Variants in SLC20A2 observed in about 807,000 individuals in gnomAD.
SLC20A2 encodes sodium-dependent phosphate transporter 2.
A neutral mutation model predicts 61.0 loss-of-function variants in SLC20A2; 30 were observed. The observed-to-expected ratio is 0.49, with a 90% CI of 0.37 to 0.67. The LOEUF is 0.67. Ranked by LOEUF, SLC20A2 falls within the 30% of genes least tolerant of loss-of-function variation. The pLI, the probability that SLC20A2 is intolerant of heterozygous loss-of-function variation, is 0.00. For missense variants in SLC20A2, 626 were observed against 866.4 expected, an observed-to-expected ratio of 0.72 and a Z score of 3.48; for synonymous variants, 351 against 353.3, an observed-to-expected ratio of 0.99 and a Z score of 0.07.
intron 2 of SLC20A2, chr8:42,471,169 T>C (rs1414840048): frequency 4.4e-6 from 2 of 456,094 alleles, no homozygotes; most frequent in East Asian, 6.9e-5. Flanking sequence ...ATTACCCGTA[T>C]ACATCAGCTG....
rs972406149 is a variant in SLC20A2, at chr8:42,522,800, G to T, written c.-265+19021C>A. 3.3e-4 allele frequency among the ~76,000 whole-genome samples: 49 copies of T among 150,494 alleles called. 11 individuals are homozygous for T. The highest frequency in any genetic ancestry group is 3.4e-3 in the Middle Eastern group (1 of 294). On this transcript the variant is annotated intron_variant, in intron 1 of 10. Coordinates refer to the SLC20A2 transcript ENST00000342228. ...GCTCACTACACCCTTGAATTCCTGG[G>T]CCCAGGCGAGCCTCCTGCCTCAACC...
intron 8 of SLC20A2, among the ~76,000 whole-genome samples, chr8:42,435,459 G>A (rs1804176827): frequency 6.6e-6 from 1 of 152,174 alleles, no homozygotes; most frequent in Non-Finnish European, 1.5e-5. Flanking sequence ...TGGGAGGTTA[G>A]GACTCGTTTT....
chr8:42,432,980 C>T (rs1273494538), intron 8 of SLC20A2, among the ~76,000 whole-genome samples: 1 of 152,172 alleles, frequency 6.6e-6, no homozygotes, highest in East Asian at 1.9e-4. Flanking sequence ...CCCAGGTGTT[C>T]CTGTACATGG....
At chr8:42,465,358 A>G (rs1807069717) in intron 3 of SLC20A2, among the ~76,000 whole-genome samples, 1 of 151,652 alleles carries the variant, frequency 6.6e-6, no homozygotes, top group Non-Finnish European at 1.5e-5. Context: ...TGTCTGGCCC[A>G]TCTAGGTCTT....
intron 6 of SLC20A2, among the ~76,000 whole-genome samples, chr8:42,439,968 C>T (rs562297016): frequency 2.6e-5 from 4 of 151,538 alleles, no homozygotes; most frequent in South Asian, 4.2e-4. Flanking sequence ...GCCTGTAATT[C>T]CAACTACTTG....
chr8:42,448,827 T>C lies in SLC20A2; in HGVS notation c.614-4065A>G, dbSNP rs548418300. Among the ~76,000 whole-genome samples the C allele has an allele frequency of 5.0e-4, 76 of 152,268 alleles. No homozygotes were observed. The South Asian group carries it at 0.016, about 32-fold the overall frequency. On this transcript the variant is annotated intron_variant, in intron 5 of 10. Coordinates refer to ENST00000520262, the MANE Select transcript of SLC20A2 (RefSeq NM_001257180.2). ...TGGGGACAGGATCTTACTGAAGTAT[T>C]CCAGCAGTTTGGTGATTTAGCAGAG...
intron 7 of SLC20A2, among the ~76,000 whole-genome samples, chr8:42,438,378 A>G (rs1328180133): frequency 2.0e-5 from 3 of 152,092 alleles, no homozygotes; most frequent in Non-Finnish European, 4.4e-5. Flanking sequence ...CAGTGGTGCA[A>G]TCATAGCTCA....
chr8:42,507,261 C>T (rs537300944), intron 1 of SLC20A2, among the ~76,000 whole-genome samples: 5 of 152,228 alleles, frequency 3.3e-5, no homozygotes, highest in African/African-American at 1.2e-4. Context: ...CTCAGGAGGG[C>T]TACACCAGTG....
intron 9 of SLC20A2, among the ~76,000 whole-genome samples, chr8:42,429,232 C>T (rs184872068): frequency 9.8e-5 from 15 of 152,330 alleles, no homozygotes; most frequent in Non-Finnish European, 1.9e-4. Flanking sequence ...AATTTTTCTT[C>T]AAATCAATCT....
At chr8:42,471,577 A>G (rs1807642355) in intron 2 of SLC20A2, among the ~76,000 whole-genome samples, 1 of 152,242 alleles carries the variant, frequency 6.6e-6, no homozygotes, top group African/African-American at 2.4e-5. Context: ...AATTTCTTGA[A>G]ACACACGCAC....
intron 1 of SLC20A2, among the ~76,000 whole-genome samples, chr8:42,499,123 C>CG (rs1563527137): frequency 6.6e-6 from 1 of 152,114 alleles, no homozygotes; most frequent in African/African-American, 2.4e-5. Context: ...GGGAGACGTG[C>CG]GGTCACCTGC....
upstream of SLC20A2, chr8:42,502,380 C>T (rs1465233445): frequency 2.0e-5 from 3 of 152,218 alleles, no homozygotes; most frequent in Admixed American, 6.5e-5. Context: ...TACTTAACAC[C>T]CAGATGCCAG....
chr8:42,513,358 G>A (rs1354331769), intron 1 of SLC20A2, among the ~76,000 whole-genome samples: 4 of 152,108 alleles, frequency 2.6e-5, no homozygotes, highest in African/African-American at 4.8e-5. Flanking sequence ...TTCAGAAACC[G>A]CTGGAGTCTT....
At chr8:42,529,274 C>T (rs1029459510) in intron 1 of SLC20A2, among the ~76,000 whole-genome samples, 11 of 151,840 alleles carry the variant, frequency 7.2e-5, no homozygotes, top group African/African-American at 2.7e-4. Context: ...TGGCCCATTT[C>T]CTCATTTTTT....
At chr8:42,425,524 C>T (rs1803341981) in intron 10 of SLC20A2, among the ~76,000 whole-genome samples, 1 of 152,354 alleles carries the variant, frequency 6.6e-6, no homozygotes, top group East Asian at 1.9e-4. Context: ...TCTCCAACTA[C>T]ACGGCAAGTT....
chr8:42,488,356 T>G (rs1809215428), intron 1 of SLC20A2, among the ~76,000 whole-genome samples: 1 of 151,768 alleles, frequency 6.6e-6, no homozygotes, highest in Non-Finnish European at 1.5e-5. Context: ...TGGCTAATTT[T>G]TTTTTGTATT....
At chr8:42,491,276 A>G (rs904628437) in intron 1 of SLC20A2, among the ~76,000 whole-genome samples, 2 of 152,134 alleles carry the variant, frequency 1.3e-5, no homozygotes, top group African/African-American at 2.4e-5. Flanking sequence ...GAAATTTGGG[A>G]GGCTGAGGCG....
In SLC20A2 at chr8:42,472,079, G is replaced by A. The variant is rs534908792; in HGVS notation, c.289+23C>T. ...CGGGTCAGTGGGCGGATGTCCCATCGGTATAGAGAAGAGGCTACTCACCAA... is the reference window on the plus strand; with the variant it reads ...CGGGTCAGTGGGCGGATGTCCCATCAGTATAGAGAAGAGGCTACTCACCAA... On this transcript the variant is annotated intron_variant, in intron 2 of 10. Coordinates refer to ENST00000520262, the MANE Select transcript of SLC20A2 (RefSeq NM_001257180.2). This position sits in a 1 kb window ranked among gnomAD's most constrained non-coding sequence, Gnocchi z 4.1. 4.4e-6 allele frequency: 7 copies of A among 1,606,162 alleles called. No homozygotes were observed. The highest frequency in any genetic ancestry group is 2.2e-5 in the East Asian group (1 of 44,794).
At position 42,437,642 on chromosome 8, in the gene SLC20A2, C is replaced by T. The variant is rs574546551; in HGVS notation, c.935-65G>A. 11 of 1,335,690 alleles carry T rather than the reference C, an allele frequency of 8.2e-6. No individual in the cohort carries two copies. In the Middle Eastern group the frequency reaches 1.3e-3, roughly 159 times the overall value. The allele number at this position is 1,335,690 out of a possible 1,614,324, so 82.7% of individuals were successfully genotyped here. On this transcript the variant is annotated intron_variant, in intron 7 of 10. Transcript: ENST00000520262. This position sits in a 1 kb window ranked among gnomAD's most constrained non-coding sequence, Gnocchi z 6.4. Reference sequence around the variant, plus strand: ...TTTTTTTTTTCTTTTCTTTTTGAGACGGAGCCTTGCTCTGTCCTCAGGGTG... The same window carrying T: ...TTTTTTTTTTCTTTTCTTTTTGAGATGGAGCCTTGCTCTGTCCTCAGGGTG...
Sources: gnomAD v4.1 joint callset for allele counts (sites outside exome capture counted in the v4.1 genomes callset) on GRCh38, gnomAD v4.1.1 for gene constraint, Gnocchi (gnomAD v3.1) non-coding constraint, MANE v1.5 for transcripts, NCBI Gene and HGNC (gene_info 2026-07-23, HGNC 2026-07-21) for gene names.